Variants in PPM1J observed in about 807,000 individuals in gnomAD.
The protein encoded by PPM1J is protein phosphatase 1J.
PPM1J carries 43 observed loss-of-function variants against 53.3 expected under a neutral mutation model. The ratio of observed to expected loss-of-function variants is 0.81; its 90% CI spans 0.63 to 1.04. The LOEUF is 1.04. PPM1J is among the 50% of genes least tolerant of loss of function. PPM1J has a pLI of 0.00. For missense variants in PPM1J, 635 were observed against 685.9 expected (o/e 0.93, Z 0.83); for synonymous variants, 267 against 286.4 (o/e 0.93, Z 0.68).
chr1:112,714,464 T>C (rs1327940439), intron 1 of PPM1J: 1 of 986,180 alleles, frequency 1.0e-6, no homozygotes, highest in Non-Finnish European at 1.2e-6. Context: ...CTGGGGAAGC[T>C]GGCGGCCTCC....
intron 1 of PPM1J, 96 bp from the exon 2 acceptor site, chr1:112,713,707 C>A: frequency 1.9e-6 from 2 of 1,038,146 alleles, no homozygotes; most frequent in Non-Finnish European, 3.0e-6. Flanking sequence ...GCCCGCTGGC[C>A]AAGCTGAGAA....
At chr1:112,712,483 T>G (rs1675087568) in intron 3 of PPM1J, 26 bp from the exon 4 acceptor site, 2 of 1,595,810 alleles carry the variant, frequency 1.3e-6, no homozygotes, top group Non-Finnish European at 1.7e-6. Context: ...GGGTCAGAGG[T>G]GGGTAGAAGG....
In PPM1J at chr1:112,713,384, GTAGA is replaced by G. The variant is rs1675120236; in HGVS notation, c.441+109_441+112del. The stretch of plus-strand genomic sequence containing the variant: ...CCAGGTAAAGGTTCTGTGCCAGAAG[GTAGA>G]TAGCCAGTGAGTTCATCAGGTCTTC... On this transcript the variant is annotated intron_variant, in intron 2 of 9. Transcript: ENST00000309276. 8.6e-5 allele frequency: 63 copies of G among 736,008 alleles called. 1 individual carries two copies. In the South Asian group the frequency reaches 9.2e-4, roughly 11 times the overall value. The allele number at this position is 736,008 out of a possible 1,614,324, so 45.6% of individuals were successfully genotyped here. A position where few individuals can be genotyped will look rare whatever the true frequency, so the allele number is the denominator to read the frequency against.
Position 112,715,143 on chromosome 1 carries a change from C to G in PPM1J, c.159G>C (p.Gly53=), listed in dbSNP as rs1675169580. 1 of 1,547,110 alleles carries G rather than the reference C, an allele frequency of 6.5e-7. No individual in the cohort carries two copies. The highest frequency in any genetic ancestry group is 2.6e-5 in the East Asian group (1 of 38,412). ...PRSPPAKAGS[G]SATPAKAVEA... ...CAACAGCCTTCGCGGGCGTCGCGCT[C>G]CCGCTCCCAGCCTTCGCGGGAGGGC... Residue 53 remains glycine (G), a synonymous_variant, in exon 1 of 10, where the codon GGG becomes GGC. Transcript: ENST00000309276. The surrounding 1 kb of genome is among the most constrained non-coding windows in gnomAD (Gnocchi z 4.4).
intron 1 of PPM1J, chr1:112,714,314 A>G: frequency 2.0e-6 from 2 of 985,608 alleles, no homozygotes; most frequent in Non-Finnish European, 2.4e-6. Flanking sequence ...CGGCAGATGC[A>G]TTTAAAATAC....
Position 112,710,283 on chromosome 1 carries a change from G to A in PPM1J, c.1398C>T (p.Val466=). 6.2e-7 allele frequency: 1 copy of A among 1,609,258 alleles called. No homozygotes were observed. Among genetic ancestry groups the A allele is most frequent in the Non-Finnish European group, 8.5e-7 (1 of 1,178,772 alleles). ...SRYTALAQAL[V]LGARGTPRDR... ...CTCGGGGGGTACCCCGGGCCCCCAG[G>A]ACCAGAGCTTGGGCCAGAGCTGTAT... Residue 466 remains valine (V), a synonymous_variant, in exon 10 of 10, where the codon GTC becomes GTT. Transcript: ENST00000309276.
chr1:112,711,847 C>T (rs1309994279), intron 5 of PPM1J, 124 bp downstream of exon 5: 7 of 667,664 alleles, frequency 1.0e-5, no homozygotes, highest in Non-Finnish European at 1.8e-5. Context: ...GTCCACACAG[C>T]GGCCTTCCCA....
At chr1:112,712,098 G>A in intron 4 of PPM1J, 43 bp from the exon 5 acceptor site, 2 of 1,494,258 alleles carry the variant, frequency 1.3e-6, no homozygotes, top group Non-Finnish European at 1.8e-6. Flanking sequence ...GTTCTCTTCA[G>A]ACCCACTCAT....
Position 112,714,686 on chromosome 1 carries a change from GCCGGGCTCTCCGCCCT to G in PPM1J, c.326+274_326+289del, listed in dbSNP as rs758108873. On this transcript the variant is annotated intron_variant, in intron 1 of 9. Transcript: ENST00000309276. ...CGGGGAACTGGCCAACTCATCCTTCGCCGGGCTCTCCGCCCTCCGGGCTCTGGGGCAGAACAGGGTC... is the reference window on the plus strand; with the variant it reads ...CGGGGAACTGGCCAACTCATCCTTCGCCGGGCTCTGGGGCAGAACAGGGTC... 513 of 1,213,688 alleles carry G rather than the reference GCCGGGCTCTCCGCCCT, an allele frequency of 4.2e-4. 1 individual carries two copies. The highest frequency in any genetic ancestry group is 5.1e-4 in the Non-Finnish European group (493 of 976,018). 75.2% of individuals were successfully genotyped at this position (1,213,688 alleles called of 1,614,324 possible). A position where few individuals can be genotyped will look rare whatever the true frequency, so the allele number is the denominator to read the frequency against.
chr1:112,715,327 C>A lies in PPM1J; in HGVS notation c.-26G>T. On this transcript the variant is annotated 5_prime_UTR_variant, in exon 1 of 10. Transcript: ENST00000309276. The surrounding 1 kb of genome is among the most constrained non-coding windows in gnomAD (Gnocchi z 4.4). ...GCTGCCTCCCTGCCCCGCCCTCGGC[C>A]GCGGCCCCGCCCCCGCCCAGGCCCC... is the stretch of plus-strand genomic sequence containing the variant. 8.2e-7 allele frequency: 1 copy of A among 1,225,810 alleles called. No homozygotes were observed. The highest frequency in any genetic ancestry group is 3.8e-5 in the South Asian group (1 of 26,226). The allele number at this position is 1,225,810 out of a possible 1,614,324, so 75.9% of individuals were successfully genotyped here. A position where few individuals can be genotyped will look rare whatever the true frequency, so the allele number is the denominator to read the frequency against.
intron 5 of PPM1J, 125 bp from the exon 6 acceptor site, chr1:112,711,509 CTAA>C (rs1675058890): frequency 3.2e-6 from 2 of 624,288 alleles, no homozygotes; most frequent in Non-Finnish European, 5.7e-6. Flanking sequence ...ACACGTTATT[CTAA>C]TATTAGCAAA....
Position 112,710,476 on chromosome 1 carries a change from G to A in PPM1J, c.1354C>T (p.Pro452Ser). ...AGCCCCTACCTGCTGTGGTCATTAG[G>A]CTCATAGGCCGACAGCACCCTGTCC... ...TVDRVLSAYEPNDHSRYTALA... is the reference protein window; with the variant it reads ...TVDRVLSAYESNDHSRYTALA... Residue 452 changes from proline to serine, a missense_variant, in exon 9 of 10, where the codon CCT becomes TCT. Coordinates refer to ENST00000309276, the MANE Select transcript of PPM1J (RefSeq NM_005167.7). The A allele has an allele frequency of 6.2e-7, 1 of 1,613,918 alleles. No homozygotes were observed. Among genetic ancestry groups the A allele is most frequent in the Admixed American group, 1.7e-5 (1 of 60,030 alleles).
At position 112,711,300 on chromosome 1, in the gene PPM1J, T is replaced by C; in HGVS notation, c.1012A>G (p.Arg338Gly). ...RRVLPKELGQ[R>G]MLYRDQNMTG... ...ATGTTCTGGTCCCGGTACAACATCC[T>C]CTGCCCCAGCTCCTTGGGCAGAACT... Residue 338 changes from arginine (R) to glycine (G), a missense_variant, in exon 6 of 10, where the codon AGG becomes GGG. Coordinates refer to ENST00000309276, the MANE Select transcript of PPM1J (RefSeq NM_005167.7). 1 of 1,608,042 alleles carries C rather than the reference T, an allele frequency of 6.2e-7. No individual in the cohort carries two copies. The highest frequency in any genetic ancestry group is 8.5e-7 in the Non-Finnish European group (1 of 1,177,004).
rs1675052220 is a variant in PPM1J, at chr1:112,711,283, G to C, written c.1029C>G (p.Asp343Glu). 6.2e-7 allele frequency: 1 copy of C among 1,608,586 alleles called. No homozygotes were observed. The highest frequency in any genetic ancestry group is 1.1e-5 in the South Asian group (1 of 90,460). ...KELGQRMLYR[D>E]QNMTGWAYKK... ...AGTGTTACCAGCCGGTCATGTTCTG[G>C]TCCCGGTACAACATCCTCTGCCCCA... The change falls in exon 6 of 10, where the codon GAC becomes GAG. Residue 343 changes from aspartate to glutamate, a missense_variant. Physicochemically the swap from Asp to Glu is conservative, Grantham distance 45 (BLOSUM62 2). Transcript: ENST00000309276.
At chr1:112,714,355 G>A in intron 1 of PPM1J, 2 of 985,558 alleles carry the variant, frequency 2.0e-6, no homozygotes, top group Non-Finnish European at 2.4e-6. Flanking sequence ...GGCCGCTCCG[G>A]GCAGGGGGTC....
chr1:112,712,281 C>T, intron 4 of PPM1J, 64 bp downstream of exon 4: 1 of 1,307,826 alleles, frequency 7.6e-7, no homozygotes, highest in Non-Finnish European at 1.1e-6. Context: ...CCTTACTCTC[C>T]TGTATTCCCC....
chr1:112,710,205 A>T lies in PPM1J; in HGVS notation c.1476T>A (p.Ser492=). 1 of 1,581,706 alleles carries T rather than the reference A, an allele frequency of 6.3e-7. No homozygotes were observed. Among genetic ancestry groups the T allele is most frequent in the Non-Finnish European group, 8.5e-7 (1 of 1,169,794 alleles). Residue 492 remains serine (S), a synonymous_variant, in exon 10 of 10, where the codon TCT becomes TCA. Transcript: ENST00000309276. ...NNKLGSGDDI[S]VFVIPLGGPG... Reference sequence around the variant, plus strand: ...GCCCTCCCAGGGGGATGACGAAGACAGAGATGTCATCCCCGGAACCCAGCT... The same window carrying T: ...GCCCTCCCAGGGGGATGACGAAGACTGAGATGTCATCCCCGGAACCCAGCT...
At chr1:112,714,732 G>A in intron 1 of PPM1J, 1 of 1,254,654 alleles carries the variant, frequency 8.0e-7, no homozygotes, top group Non-Finnish European at 1.0e-6. Context: ...AGGGTCCTGA[G>A]GCGGCGTGGG....
intron 8 of PPM1J, 35 bp downstream of exon 8, chr1:112,710,709 C>G (rs767732352): frequency 5.0e-6 from 8 of 1,613,136 alleles, no homozygotes; most frequent in Non-Finnish European, 5.1e-6. Flanking sequence ...GCCTGAGACT[C>G]CCAGAGAAGG....
Sources: gnomAD v4.1 joint callset for allele counts on GRCh38, gnomAD v4.1.1 for gene constraint, Gnocchi (gnomAD v3.1) non-coding constraint, MANE v1.5 for transcripts, NCBI Gene and HGNC (gene_info 2026-07-23, HGNC 2026-07-21) for gene names.